EFCAB6: variants seen among roughly 807,000 people sequenced by gnomAD.
EFCAB6 encodes EF-hand calcium-binding domain-containing protein 6.
A neutral mutation model predicts 169.8 loss-of-function variants in EFCAB6; 156 were observed. The ratio of observed to expected loss-of-function variants is 0.92; its 90% confidence interval spans 0.81 to 1.05. EFCAB6 has a LOEUF of 1.05. Ranked by LOEUF, EFCAB6 falls within the 50% of genes least tolerant of loss-of-function variation. The pLI is 0.00. For synonymous variants in EFCAB6, 698 were observed against 676.4 expected (o/e 1.03, Z -0.50); for missense variants, 1,800 against 1,829.1 (o/e 0.98, Z 0.29).
intron 5 of EFCAB6, among the ~76,000 whole-genome samples, chr22:43,756,352 C>T (rs1445234498): frequency 6.6e-6 from 1 of 152,202 alleles, no homozygotes; most frequent in Non-Finnish European, 1.5e-5. Context: ...CTGTCGGGCT[C>T]TACGTCCCCT....
chr22:43,771,349 GAACTC>G (rs2061463342), intron 4 of EFCAB6, among the ~76,000 whole-genome samples: 2 of 152,128 alleles, frequency 1.3e-5, no homozygotes, highest in South Asian at 4.1e-4. Context: ...AGAATCACTT[GAACTC>G]TGGAGACGGA....
chr22:43,644,504 C>T (rs1165688464), intron 17 of EFCAB6, among the ~76,000 whole-genome samples: 4 of 152,178 alleles, frequency 2.6e-5, no homozygotes, highest in Non-Finnish European at 5.9e-5. Flanking sequence ...TCTCTCTGAT[C>T]CCCACATTAA....
intron 22 of EFCAB6, among the ~76,000 whole-genome samples, chr22:43,602,240 C>T (rs1274548293): frequency 6.6e-6 from 1 of 152,210 alleles, no homozygotes; most frequent in African/African-American, 2.4e-5. Context: ...TGAGGATGGC[C>T]TTAATTTTGC....
chr22:43,744,121 TTATG>T lies in EFCAB6; in HGVS notation c.508-8132_508-8129del, dbSNP rs2147771789. 6.6e-6 allele frequency among the ~76,000 whole-genome samples: 1 copy of T among 150,500 alleles called. No individual in the cohort carries two copies. Among genetic ancestry groups the T allele is most frequent in the South Asian group, 2.1e-4 (1 of 4,728 alleles). Reference sequence around the variant, plus strand: ...ATGAATGAATGAATGAATGGATGGGTTATGGATGGATGGATGGGTAGATGGATGG... The same window carrying T: ...ATGAATGAATGAATGAATGGATGGGTGATGGATGGATGGGTAGATGGATGG... On this transcript the variant is annotated intron_variant, in intron 6 of 31. Coordinates refer to ENST00000262726, the MANE Select transcript of EFCAB6 (RefSeq NM_022785.4). This position sits in a 1 kb window ranked among gnomAD's most constrained non-coding sequence, Gnocchi z 4.3.
At chr22:43,807,440 T>A (rs991658775) in intron 2 of EFCAB6, among the ~76,000 whole-genome samples, 1 of 152,232 alleles carries the variant, frequency 6.6e-6, no homozygotes, top group Admixed American at 6.5e-5. Context: ...TCAAATACAC[T>A]TCTTAACCAA....
intron 12 of EFCAB6, among the ~76,000 whole-genome samples, chr22:43,681,926 T>C (rs2058020746): frequency 6.6e-6 from 1 of 152,210 alleles, no homozygotes; most frequent in African/African-American, 2.4e-5. Flanking sequence ...GCAGAGTTGG[T>C]GGCAGCATCT....
chr22:43,552,690 G>C (rs1270578785), intron 27 of EFCAB6: 1 of 152,170 alleles, frequency 6.6e-6, no homozygotes, highest in Non-Finnish European at 1.5e-5. Flanking sequence ...TGAGGATGGT[G>C]AAGTTTTCTT....
chr22:43,677,000 T>G (rs2057789273), intron 13 of EFCAB6, among the ~76,000 whole-genome samples: 1 of 152,212 alleles, frequency 6.6e-6, no homozygotes, highest in Admixed American at 6.5e-5. Context: ...GGTTTGATTT[T>G]GATTCATAGG....
At chr22:43,561,046 C>T (rs1258466618) in intron 26 of EFCAB6, among the ~76,000 whole-genome samples, 2 of 152,116 alleles carry the variant, frequency 1.3e-5, no homozygotes, top group South Asian at 2.1e-4. Context: ...GGAAGTATTG[C>T]GTGTTCACTA....
chr22:43,557,337 C>T (rs1159832953), intron 26 of EFCAB6, among the ~76,000 whole-genome samples: 1 of 152,186 alleles, frequency 6.6e-6, no homozygotes, highest in Non-Finnish European at 1.5e-5. Flanking sequence ...AGAATTCTAA[C>T]AAAGTATTAT....
intron 27 of EFCAB6, among the ~76,000 whole-genome samples, chr22:43,542,819 C>G (rs1008246625): frequency 6.6e-6 from 1 of 152,122 alleles, no homozygotes; most frequent in African/African-American, 2.4e-5. Context: ...ACTAGGGAGA[C>G]TGGATTCTGA....
chr22:43,557,302 C>T (rs770001148), intron 26 of EFCAB6, among the ~76,000 whole-genome samples: 2 of 152,310 alleles, frequency 1.3e-5, no homozygotes, highest in South Asian at 2.1e-4. Flanking sequence ...ACTGGAAATA[C>T]TATGAGTCTA....
chr22:43,749,546 G>A (rs934877820), intron 6 of EFCAB6, among the ~76,000 whole-genome samples: 4 of 152,078 alleles, frequency 2.6e-5, no homozygotes, highest in African/African-American at 9.7e-5. Flanking sequence ...GTGCAACGTA[G>A]ATCCTCGCAT....
At chr22:43,611,840 G>C (rs926015774) in intron 21 of EFCAB6, among the ~76,000 whole-genome samples, 29 of 152,078 alleles carry the variant, frequency 1.9e-4, no homozygotes, top group African/African-American at 6.8e-4. Context: ...GAACCAAAAA[G>C]AGTCTAAATA....
intron 17 of EFCAB6, among the ~76,000 whole-genome samples, chr22:43,637,847 T>C (rs2055528828): frequency 1.3e-5 from 2 of 152,178 alleles, no homozygotes; most frequent in Admixed American, 6.5e-5. Context: ...GTTGCTTGCT[T>C]TGAAAAAAAC....
chr22:43,626,962 C>T (rs1361865068), intron 19 of EFCAB6, among the ~76,000 whole-genome samples: 2 of 152,148 alleles, frequency 1.3e-5, no homozygotes, highest in Non-Finnish European at 2.9e-5. Context: ...TCCTTCCACA[C>T]TCTCGGTTTG....
chr22:43,658,009 A>G (rs1315026185), intron 17 of EFCAB6, among the ~76,000 whole-genome samples: 1 of 152,144 alleles, frequency 6.6e-6, no homozygotes, highest in African/African-American at 2.4e-5. Context: ...CCGGTGGATC[A>G]CCTGAGGTCA....
At chr22:43,683,232 G>C (rs149660799) in intron 12 of EFCAB6, among the ~76,000 whole-genome samples, 1 of 152,316 alleles carries the variant, frequency 6.6e-6, no homozygotes, top group African/African-American at 2.4e-5. Flanking sequence ...CAATATTAAA[G>C]TCAGACAGGA....
chr22:43,686,610 G>A (rs183491871), intron 11 of EFCAB6, among the ~76,000 whole-genome samples: 1 of 152,298 alleles, frequency 6.6e-6, no homozygotes, highest in East Asian at 1.9e-4. Flanking sequence ...CTCAGAGGTT[G>A]CAGCTCTGGA....
Sources: allele counts gnomAD v4.1 joint callset (sites outside exome capture counted in the v4.1 genomes callset), GRCh38; gene constraint gnomAD v4.1.1; non-coding constraint Gnocchi (gnomAD v3.1); transcripts MANE v1.5; gene names NCBI Gene and HGNC (gene_info 2026-07-23, HGNC 2026-07-21).